TACR1: variants seen among roughly 807,000 people sequenced by gnomAD.
TACR1 encodes tachykinin receptor 1, also known as substance-P receptor.
In TACR1, 25 loss-of-function variants were observed where a neutral mutation model predicts 35.8. The observed-to-expected ratio is 0.70, with a 90% CI of 0.51 to 0.98. The LOEUF is 0.98. TACR1 is among the 50% of genes least tolerant of loss of function. The pLI is 0.00. For synonymous variants in TACR1, 195 were observed against 206.7 expected (o/e 0.94, Z 0.48); for missense variants, 478 against 522.9 (o/e 0.91, Z 0.84).
At chr2:75,149,068 T>C (rs1674609183) in intron 1 of TACR1, among the ~76,000 whole-genome samples, 1 of 152,204 alleles carries the variant, frequency 6.6e-6, no homozygotes, top group Non-Finnish European at 1.5e-5. Flanking sequence ...CCTGTTCTGT[T>C]CCATTGGTCT....
In TACR1 at chr2:75,087,138, C is replaced by T. The variant is rs1359720539; in HGVS notation, c.585-33383G>A. Among the ~76,000 whole-genome samples the T allele has an allele frequency of 2.0e-5, 3 of 152,150 alleles. No homozygotes were observed. In the East Asian group the frequency reaches 5.8e-4, roughly 29 times the overall value. ...TCATTCATACTTTTTATATGGGTAA[C>T]ATGTTGAAATGATACTACTATGGAT... On this transcript the variant is annotated intron_variant, in intron 2 of 4. Transcript: ENST00000305249.
At chr2:75,068,005 T>C (rs1254247264) in intron 2 of TACR1, among the ~76,000 whole-genome samples, 2 of 152,214 alleles carry the variant, frequency 1.3e-5, no homozygotes, top group African/African-American at 4.8e-5. Context: ...TGCACTTTCA[T>C]CTGGGCAAGA....
chr2:75,063,979 C>T (rs2103802156), intron 2 of TACR1, among the ~76,000 whole-genome samples: 1 of 152,216 alleles, frequency 6.6e-6, no homozygotes, highest in South Asian at 2.1e-4. Context: ...GGTTGTAAAT[C>T]CACTGGCCCT....
intron 2 of TACR1, among the ~76,000 whole-genome samples, chr2:75,093,428 A>G (rs1003092705): frequency 6.6e-6 from 1 of 152,184 alleles, no homozygotes. Flanking sequence ...TTGGAGCAGA[A>G]TGAGTGTGAT....
chr2:75,147,646 T>C (rs1674540468), intron 1 of TACR1, among the ~76,000 whole-genome samples: 1 of 152,082 alleles, frequency 6.6e-6, no homozygotes, highest in South Asian at 2.1e-4. Context: ...AACTTATGAG[T>C]GAGAAAATGC....
chr2:75,180,282 T>C (rs1028802800), intron 1 of TACR1, among the ~76,000 whole-genome samples: 1 of 152,252 alleles, frequency 6.6e-6, no homozygotes. Context: ...ATAAGGGCTC[T>C]TATTGTTCTT....
intron 2 of TACR1, among the ~76,000 whole-genome samples, chr2:75,097,786 G>A (rs1360472869): frequency 6.6e-6 from 1 of 152,126 alleles, no homozygotes; most frequent in Non-Finnish European, 1.5e-5. Context: ...CCTCCCTAGG[G>A]ATCTGCATTA....
At chr2:75,175,729 A>G (rs903977958) in intron 1 of TACR1, among the ~76,000 whole-genome samples, 4 of 152,038 alleles carry the variant, frequency 2.6e-5, no homozygotes, top group Non-Finnish European at 5.9e-5. Flanking sequence ...TCCCTATCTC[A>G]ATATCCTTAG....
rs528188638 is a variant in TACR1, at chr2:75,067,901, G to T, written c.585-14146C>A. ...TGCTGTCAGGAGCTGGGCCTGCAAA[G>T]TGCCAAGTAAAGTCACTGAAGGGGT... On this transcript the variant is annotated intron_variant, in intron 2 of 4. Coordinates refer to ENST00000305249, the MANE Select transcript of TACR1 (RefSeq NM_001058.4). Among the ~76,000 whole-genome samples, 26 of 152,280 alleles carry T rather than the reference G, an allele frequency of 1.7e-4. No individual in the cohort carries two copies. The South Asian group carries it at 5.4e-3, about 32-fold the overall frequency.
intron 2 of TACR1, among the ~76,000 whole-genome samples, chr2:75,105,393 G>A (rs1467454715): frequency 2.0e-5 from 3 of 151,988 alleles, no homozygotes; most frequent in Non-Finnish European, 4.4e-5. Context: ...GAGGGGAATG[G>A]AGATGTTGGT....
chr2:75,128,184 CT>C (rs1261111159), intron 1 of TACR1, among the ~76,000 whole-genome samples: 1 of 152,248 alleles, frequency 6.6e-6, no homozygotes, highest in Non-Finnish European at 1.5e-5. Context: ...CAGTTGCAAG[CT>C]GGCGGCTCCA....
At chr2:75,126,926 C>T (rs1270483279) in intron 1 of TACR1, among the ~76,000 whole-genome samples, 1 of 152,160 alleles carries the variant, frequency 6.6e-6, no homozygotes, top group Non-Finnish European at 1.5e-5. Context: ...AAATGCAAAT[C>T]AAAACCTCAC....
chr2:75,195,891 A>G (rs1675957913), intron 1 of TACR1, among the ~76,000 whole-genome samples: 1 of 152,206 alleles, frequency 6.6e-6, no homozygotes, highest in African/African-American at 2.4e-5. Context: ...TTTCATTAAT[A>G]CCAATGGAAA....
At chr2:75,185,433 T>G (rs2104063249) in intron 1 of TACR1, among the ~76,000 whole-genome samples, 1 of 152,196 alleles carries the variant, frequency 6.6e-6, no homozygotes, top group Non-Finnish European at 1.5e-5. Flanking sequence ...CATTTTAACC[T>G]GAAATATAAA....
intron 2 of TACR1, among the ~76,000 whole-genome samples, chr2:75,089,908 G>C (rs1673273203): frequency 6.6e-6 from 1 of 152,060 alleles, no homozygotes; most frequent in Non-Finnish European, 1.5e-5. Context: ...TTTCTGGAAA[G>C]CACCACCTAG....
chr2:75,050,170 A>G (rs1192660302), intron 4 of TACR1, among the ~76,000 whole-genome samples: 1 of 152,202 alleles, frequency 6.6e-6, no homozygotes, highest in Non-Finnish European at 1.5e-5. Flanking sequence ...TCTGCCAATC[A>G]TGTTTCTTCA....
At chr2:75,120,405 A>G (rs1256330919) in intron 2 of TACR1, among the ~76,000 whole-genome samples, 169 bp downstream of exon 2, 2 of 152,104 alleles carry the variant, frequency 1.3e-5, no homozygotes, top group African/African-American at 4.8e-5. Context: ...TAGTCCCCTG[A>G]CAACTGTGGA....
At chr2:75,130,034 A>T (rs551940416) in intron 1 of TACR1, among the ~76,000 whole-genome samples, 7 of 152,366 alleles carry the variant, frequency 4.6e-5, no homozygotes, top group Admixed American at 1.3e-4. Flanking sequence ...GTGCAAGTGA[A>T]GAATTAAATC....
intron 2 of TACR1, among the ~76,000 whole-genome samples, chr2:75,094,859 A>ATATTT: frequency 1.7e-4 from 19 of 113,126 alleles, no homozygotes; most frequent in Non-Finnish European, 2.8e-4. Flanking sequence ...ATATATATAT[A>ATATTT]TTTTTTTTTT....
Sources: allele counts gnomAD v4.1 joint callset (sites outside exome capture counted in the v4.1 genomes callset), GRCh38; gene constraint gnomAD v4.1.1; transcripts MANE v1.5; gene names NCBI Gene and HGNC (gene_info 2026-07-23, HGNC 2026-07-21).